Variants in TENM3 observed in about 807,000 individuals in gnomAD.
The protein encoded by TENM3 is teneurin transmembrane protein 3, also known as teneurin-3.
In TENM3, 63 loss-of-function variants were observed where a neutral mutation model predicts 255.1. That is an observed-to-expected ratio of 0.25 (90% CI 0.20 to 0.30). The LOEUF (loss-of-function observed/expected upper bound fraction) is 0.30. Ranked by LOEUF, TENM3 falls within the 10% of genes least tolerant of loss-of-function variation. TENM3 has a pLI of 1.00. For synonymous variants in TENM3, 1,306 were observed against 1,322.3 expected (o/e 0.99, Z 0.27); for missense variants, 2,929 against 3,461.1 (o/e 0.85, Z 3.86).
At chr4:181,750,487 T>C in the TENM3 span, among the ~76,000 whole-genome samples, 1 of 152,184 alleles carries the variant, frequency 6.6e-6, no homozygotes, top group East Asian at 1.9e-4. Context: ...AGAGTTAACT[T>C]TTCTACTCAG....
chr4:181,647,065 G>A, the TENM3 span, among the ~76,000 whole-genome samples: 2 of 151,910 alleles, frequency 1.3e-5, no homozygotes, highest in Admixed American at 6.6e-5. Flanking sequence ...CTGTAATGAT[G>A]ACTAAGAAGA....
chr4:182,469,901 TA>T (rs146143566), intron 3 of TENM3, among the ~76,000 whole-genome samples: 2,540 of 152,146 alleles, frequency 0.017, 94 homozygotes, highest in African/African-American at 0.058. Context: ...ATTTTAATGA[TA>T]TTTTTTTCTG....
chr4:181,921,862 G>A, the TENM3 span, among the ~76,000 whole-genome samples: 1 of 152,094 alleles, frequency 6.6e-6, no homozygotes, highest in Non-Finnish European at 1.5e-5. Context: ...TATGATATTG[G>A]CTGTGGGTTT....
the TENM3 span, among the ~76,000 whole-genome samples, chr4:181,613,356 G>A: frequency 6.6e-6 from 1 of 152,220 alleles, no homozygotes; most frequent in Non-Finnish European, 1.5e-5. Flanking sequence ...GGTGGGAGCA[G>A]AGCCCAGGAG....
chr4:181,636,651 C>T, the TENM3 span, among the ~76,000 whole-genome samples: 1 of 152,320 alleles, frequency 6.6e-6, no homozygotes. Context: ...CCCACTTCTC[C>T]CCACCTCTGC....
the TENM3 span, among the ~76,000 whole-genome samples, chr4:182,101,486 GA>G: frequency 6.6e-6 from 1 of 152,188 alleles, no homozygotes; most frequent in African/African-American, 2.4e-5. Flanking sequence ...CAACCCTCTA[GA>G]CCTTCCTTAC....
chr4:181,775,052 G>T, the TENM3 span, among the ~76,000 whole-genome samples: 1,441 of 152,266 alleles, frequency 9.5e-3, 20 homozygotes, highest in African/African-American at 0.032. Context: ...AAATCTGCAA[G>T]TCCTTCAGCT....
intron 3 of TENM3, among the ~76,000 whole-genome samples, chr4:182,353,475 T>G (rs1465020754): frequency 6.6e-6 from 1 of 152,056 alleles, no homozygotes; most frequent in Admixed American, 6.5e-5. Flanking sequence ...TAAATCAGGC[T>G]CAGAATTAAA....
chr4:182,667,199 G>A (rs1414746865), intron 6 of TENM3, among the ~76,000 whole-genome samples: 2 of 151,726 alleles, frequency 1.3e-5, no homozygotes, highest in Non-Finnish European at 2.9e-5. Context: ...GTTTTGTTTT[G>A]TTTTGTTTTG....
At chr4:182,430,276 C>T (rs925500051) in intron 3 of TENM3, among the ~76,000 whole-genome samples, 1 of 152,216 alleles carries the variant, frequency 6.6e-6, no homozygotes, top group African/African-American at 2.4e-5. Flanking sequence ...AGGCCGGGCG[C>T]AGTGGCTCAC....
intron 3 of TENM3, among the ~76,000 whole-genome samples, chr4:182,588,323 A>C (rs1319095124): frequency 6.6e-6 from 1 of 152,198 alleles, no homozygotes; most frequent in East Asian, 1.9e-4. Flanking sequence ...GTTATCTGAA[A>C]AGCATAGCAA....
intron 1 of TENM3, among the ~76,000 whole-genome samples, chr4:182,236,839 CT>C (rs1756927683): frequency 1.3e-5 from 2 of 152,120 alleles, no homozygotes; most frequent in Admixed American, 6.6e-5. Flanking sequence ...CCCAGAGATG[CT>C]TTTTATTTTA....
the TENM3 span, among the ~76,000 whole-genome samples, chr4:181,855,936 GGAA>G: frequency 1.1e-4 from 16 of 140,064 alleles, no homozygotes; most frequent in East Asian, 2.8e-3. Flanking sequence ...AGGGAGGGAA[GGAA>G]GAAGAAAGAA....
chr4:181,792,766 C>T, the TENM3 span, among the ~76,000 whole-genome samples: 36,502 of 152,040 alleles, frequency 0.24, 4,622 homozygotes, highest in South Asian at 0.3. Context: ...TTTTCAAAAC[C>T]CTCCTTTATT....
chr4:182,145,423 A>G (rs560578586), intron 1 of TENM3, among the ~76,000 whole-genome samples: 5 of 152,314 alleles, frequency 3.3e-5, no homozygotes, highest in East Asian at 1.9e-4. Flanking sequence ...TGAGCCTGCA[A>G]CTGAGATTCT....
In TENM3 at chr4:182,680,161, A is replaced by G. The variant is rs139255135; in HGVS notation, c.1538-87A>G. 7 of 970,130 alleles carry G rather than the reference A, an allele frequency of 7.2e-6. No homozygotes were observed. The East Asian group carries it at 1.8e-4, about 25-fold the overall frequency. 60.1% of individuals were successfully genotyped at this position (970,130 alleles called of 1,614,324 possible). A position where few individuals can be genotyped will look rare whatever the true frequency, so the allele number is the denominator to read the frequency against. ...CTTTGCTTTACTACTCAAATTATCT[A>G]GCATAAATGAAGATCAAAGTGATAC... On this transcript the variant is annotated intron_variant, in intron 8 of 27. Transcript: ENST00000511685.
chr4:182,227,895 G>A (rs1040586644), intron 1 of TENM3, among the ~76,000 whole-genome samples: 1 of 152,108 alleles, frequency 6.6e-6, no homozygotes, highest in East Asian at 1.9e-4. Context: ...TGGGTGGAGC[G>A]GCAGAGAGGG....
the TENM3 span, among the ~76,000 whole-genome samples, chr4:181,542,712 A>G: frequency 4.6e-5 from 7 of 152,236 alleles, no homozygotes; most frequent in Non-Finnish European, 1.5e-5. Context: ...TTAGTCCAAT[A>G]ACAGCAGAAG....
At chr4:181,535,781 T>G in the TENM3 span, among the ~76,000 whole-genome samples, 1 of 152,144 alleles carries the variant, frequency 6.6e-6, no homozygotes, top group Non-Finnish European at 1.5e-5. Flanking sequence ...CTGGTACCCT[T>G]GCTCAGCTCA....
Sources: allele counts gnomAD v4.1 joint callset (sites outside exome capture counted in the v4.1 genomes callset), GRCh38; gene constraint gnomAD v4.1.1; transcripts MANE v1.5; gene names NCBI Gene and HGNC (gene_info 2026-07-23, HGNC 2026-07-21).